Variants in SLC24A4 observed in about 807,000 individuals in gnomAD.
SLC24A4 encodes sodium/potassium/calcium exchanger 4.
SLC24A4 carries 53 observed loss-of-function variants against 79.0 expected under a neutral mutation model. The ratio of observed to expected loss-of-function variants is 0.67; its 90% CI spans 0.54 to 0.84. The LOEUF (loss-of-function observed/expected upper bound fraction) is 0.84. Ranked by LOEUF, SLC24A4 falls within the 40% of genes least tolerant of loss-of-function variation. The pLI is 0.00. For synonymous variants in SLC24A4, 323 were observed against 323.8 expected (o/e 1.00, Z 0.03); for missense variants, 731 against 822.0 (o/e 0.89, Z 1.35).
chr14:92,493,682 C>G lies in SLC24A4; in HGVS notation c.*54C>G. 6.4e-7 allele frequency: 1 copy of G among 1,570,174 alleles called. No individual in the cohort carries two copies. Among genetic ancestry groups the G allele is most frequent in the African/African-American group, 1.3e-5 (1 of 74,402 alleles). Reference sequence around the variant, plus strand: ...CTGGACACCCTGTGACACTGGCGTTCTCCTCTCCCCTCCTTCCCCCACCAC... The same window carrying G: ...CTGGACACCCTGTGACACTGGCGTTGTCCTCTCCCCTCCTTCCCCCACCAC... On this transcript the variant is annotated 3_prime_UTR_variant, in exon 17 of 17. Coordinates refer to ENST00000532405, the MANE Select transcript of SLC24A4 (RefSeq NM_153646.4).
chr14:92,484,473 C>T (rs373338291), intron 13 of SLC24A4: 50 of 985,192 alleles, frequency 5.1e-5, no homozygotes, highest in Admixed American at 6.2e-5. Flanking sequence ...AAGCTCAGGA[C>T]GGACTCTGTG....
At position 92,493,764 on chromosome 14, in the gene SLC24A4, C is replaced by T. The variant is rs563481284; in HGVS notation, c.*136C>T. The T allele has an allele frequency of 2.8e-6, 3 of 1,064,622 alleles. No individual in the cohort carries two copies. The East Asian group carries it at 7.8e-5, about 28-fold the overall frequency. The allele number at this position is 1,064,622 out of a possible 1,614,324, so 65.9% of individuals were successfully genotyped here. ...TTCTTTCACACACTGGAAGGAAGAG[C>T]CATCGTGGTCTTTGTCTGGCCACAG... On this transcript the variant is annotated 3_prime_UTR_variant, in exon 17 of 17. Transcript: ENST00000532405.
chr14:92,402,423 C>A (rs1446186616), intron 2 of SLC24A4, among the ~76,000 whole-genome samples: 1 of 152,152 alleles, frequency 6.6e-6, no homozygotes, highest in Non-Finnish European at 1.5e-5. Context: ...GAGTGGTCCA[C>A]ATACTATGAT....
chr14:92,444,644 C>T (rs1892687195), intron 7 of SLC24A4, among the ~76,000 whole-genome samples: 1 of 152,140 alleles, frequency 6.6e-6, no homozygotes, highest in East Asian at 1.9e-4. Flanking sequence ...CACTTGAGGT[C>T]AAGAGTTTGA....
chr14:92,474,671 A>G (rs1894617719), intron 12 of SLC24A4, among the ~76,000 whole-genome samples: 1 of 114,012 alleles, frequency 8.8e-6, no homozygotes, highest in Non-Finnish European at 1.9e-5. Flanking sequence ...GTGTGTGTAT[A>G]TATATATATA....
In SLC24A4 at chr14:92,501,156, A is replaced by C. The variant is rs192281005; in HGVS notation, c.*7528A>C. On this transcript the variant is annotated 3_prime_UTR_variant, in exon 17 of 17. Coordinates refer to ENST00000532405, the MANE Select transcript of SLC24A4 (RefSeq NM_153646.4). ...GAGCTGAACACCACCATCTTTGTTC[A>C]TTCTCTCTCTAATGGGCAAAGCAGG... 3.9e-5 allele frequency: 6 copies of C among 152,348 alleles called. No individual in the cohort carries two copies. In the East Asian group the frequency reaches 7.7e-4, roughly 20 times the overall value. 9.4% of individuals were successfully genotyped at this position (152,348 alleles called of 1,614,324 possible).
chr14:92,385,376 A>G (rs1171150201), intron 2 of SLC24A4, among the ~76,000 whole-genome samples: 2 of 152,002 alleles, frequency 1.3e-5, no homozygotes, highest in Non-Finnish European at 2.9e-5. Context: ...GTGTGCGTGT[A>G]ATCTCAGCTG....
In SLC24A4 at chr14:92,497,759, G is replaced by C. The variant is rs1329457605; in HGVS notation, c.*4131G>C. ...GAATGGGTCCTTGGGGGAGGGGTTG[G>C]TCTTTTGTCTCGCATCCCCATCTTT... On this transcript the variant is annotated 3_prime_UTR_variant, in exon 17 of 17. Transcript: ENST00000532405. 1 of 152,386 alleles carries C rather than the reference G, an allele frequency of 6.6e-6. No individual in the cohort carries two copies. Among genetic ancestry groups the C allele is most frequent in the African/African-American group, 2.4e-5 (1 of 41,452 alleles). The allele number at this position is 152,386 out of a possible 1,614,324, so 9.4% of individuals were successfully genotyped here.
At chr14:92,432,550 C>T (rs916603126) in intron 2 of SLC24A4, among the ~76,000 whole-genome samples, 1 of 152,180 alleles carries the variant, frequency 6.6e-6, no homozygotes, top group African/African-American at 2.4e-5. Context: ...GAGTCTCTCC[C>T]TATGTAATTC....
At chr14:92,372,917 C>CTTCCTTCCTTTCTT (rs1213585063) in intron 2 of SLC24A4, among the ~76,000 whole-genome samples, 1 of 108,908 alleles carries the variant, frequency 9.2e-6, no homozygotes, top group African/African-American at 3.5e-5. Flanking sequence ...TCCTTCCTTC[C>CTTCCTTCCTTTCTT]TTTCTTTCTC....
At chr14:92,397,270 CT>C (rs1317633544) in intron 2 of SLC24A4, among the ~76,000 whole-genome samples, 2 of 152,178 alleles carry the variant, frequency 1.3e-5, no homozygotes, top group African/African-American at 4.8e-5. Flanking sequence ...AATTAGCCTC[CT>C]TCTGTCCCCA....
At chr14:92,418,501 G>A (rs1891104827) in intron 2 of SLC24A4, among the ~76,000 whole-genome samples, 2 of 152,122 alleles carry the variant, frequency 1.3e-5, no homozygotes, top group African/African-American at 4.8e-5. Context: ...ATGTGTGTGT[G>A]TTGTGTGTGT....
chr14:92,366,996 G>C (rs934367538), intron 2 of SLC24A4, among the ~76,000 whole-genome samples: 32 of 152,268 alleles, frequency 2.1e-4, no homozygotes, highest in African/African-American at 7.7e-4. Flanking sequence ...AGGTTGAGGA[G>C]CGTGCTTTCT....
Position 92,395,429 on chromosome 14 carries a change from C to G in SLC24A4, c.242-38483C>G, listed in dbSNP as rs1595213855. Among the ~76,000 whole-genome samples, 6 of 95,072 alleles carry G rather than the reference C, an allele frequency of 6.3e-5. No individual in the cohort carries two copies. In the South Asian group the frequency reaches 1.7e-3, roughly 26 times the overall value. The allele number at this position is 95,072 out of a possible 152,430, so 62.4% of individuals were successfully genotyped here. A position where few individuals can be genotyped will look rare whatever the true frequency, so the allele number is the denominator to read the frequency against. On this transcript the variant is annotated intron_variant, in intron 2 of 16. Transcript: ENST00000532405. Reference sequence around the variant, plus strand: ...AGGGATGATTCAAAACAAAACAAAACAAAACACACACACACACACACACAC... The same window carrying G: ...AGGGATGATTCAAAACAAAACAAAAGAAAACACACACACACACACACACAC...
In SLC24A4 at chr14:92,474,864, T is replaced by TATATATATA. The variant is rs1491176639; in HGVS notation, c.1256-7816_1256-7815insATATATATA. The stretch of plus-strand genomic sequence containing the variant: ...GTGTGTATATATATATATATATATA[T>TATATATATA]TTTTTTTTTTTTTAGTAGACACAGG... On this transcript the variant is annotated intron_variant, in intron 12 of 16. Coordinates refer to ENST00000532405, the MANE Select transcript of SLC24A4 (RefSeq NM_153646.4). 3.0e-3 allele frequency among the ~76,000 whole-genome samples: 117 copies of TATATATATA among 38,912 alleles called. 1 individual carries two copies. Among genetic ancestry groups the TATATATATA allele is most frequent in the African/African-American group, 8.2e-3 (73 of 8,932 alleles). The allele number at this position is 38,912 out of a possible 152,430, so 25.5% of individuals were successfully genotyped here.
intron 2 of SLC24A4, among the ~76,000 whole-genome samples, chr14:92,418,592 A>G (rs1891109993): frequency 6.6e-6 from 1 of 152,240 alleles, no homozygotes; most frequent in South Asian, 2.1e-4. Flanking sequence ...CCAGGCCAGC[A>G]GATTCGAAAC....
chr14:92,397,495 G>A (rs1445824062), intron 2 of SLC24A4, among the ~76,000 whole-genome samples: 4 of 152,202 alleles, frequency 2.6e-5, no homozygotes, highest in Non-Finnish European at 5.9e-5. Flanking sequence ...AAGGAGGAAG[G>A]AGCTTTTTGC....
At chr14:92,482,891 G>C in intron 13 of SLC24A4, 45 bp downstream of exon 13, 1 of 1,565,060 alleles carries the variant, frequency 6.4e-7, no homozygotes, top group Non-Finnish European at 8.7e-7. Flanking sequence ...CAGCCAGGGA[G>C]AGGTGGAGAG....
intron 2 of SLC24A4, among the ~76,000 whole-genome samples, chr14:92,420,181 G>A (rs1891200848): frequency 1.3e-5 from 2 of 152,140 alleles, no homozygotes; most frequent in Admixed American, 6.6e-5. Context: ...CTACAGAACT[G>A]TGATAAAATA....
Sources: allele counts gnomAD v4.1 joint callset (sites outside exome capture counted in the v4.1 genomes callset), GRCh38; gene constraint gnomAD v4.1.1; transcripts MANE v1.5; gene names NCBI Gene and HGNC (gene_info 2026-07-23, HGNC 2026-07-21).